The following SNX29 variants were observed in gnomAD, a reference collection of about 807,000 sequenced individuals.
The protein encoded by SNX29 is sorting nexin 29.
SNX29 carries 78 observed loss-of-function variants against 102.1 expected under a neutral mutation model. The observed-to-expected ratio is 0.76, with a 90% CI of 0.64 to 0.92. The LOEUF is 0.92. SNX29 is among the 40% of genes least tolerant of loss of function. The pLI is 0.00. For synonymous variants in SNX29, 580 were observed against 414.5 expected, an observed-to-expected ratio of 1.40 and a Z score of -4.85; for missense variants, 1,280 against 1,061.7, an observed-to-expected ratio of 1.21 and a Z score of -2.86.
chr16:12,559,408 C>T (rs114587687), intron 20 of SNX29, among the ~76,000 whole-genome samples: 1,853 of 151,266 alleles, frequency 0.012, 34 homozygotes, highest in African/African-American at 0.042. Context: ...CTGAAGGGAC[C>T]ATCTAGTTGC....
rs7201060 is a variant in SNX29 at position 11,987,501 on chromosome 16, A to T, written c.7+10688A>T. Among the ~76,000 whole-genome samples, 1,327 of 150,812 alleles carry T rather than the reference A, an allele frequency of 8.8e-3. 17 individuals carry two copies. The highest frequency in any genetic ancestry group is 0.03 in the African/African-American group (1,251 of 41,064). On this transcript the variant is annotated intron_variant, in intron 1 of 20. Transcript: ENST00000566228. ...AACCTCCACCTCCTGGGTTCGAGTA[A>T]TTCTCCTGCCTTAGACTCCCGAGTA...
At chr16:12,537,356 G>A (rs1167731406) in intron 20 of SNX29, among the ~76,000 whole-genome samples, 5 of 152,178 alleles carry the variant, frequency 3.3e-5, no homozygotes, top group East Asian at 1.9e-4. Context: ...GGAGCTCATT[G>A]GCAACTTGGT....
intron 15 of SNX29, among the ~76,000 whole-genome samples, chr16:12,283,913 G>A (rs1596753299): frequency 6.6e-6 from 1 of 152,198 alleles, no homozygotes; most frequent in Non-Finnish European, 1.5e-5. Context: ...GGGACTGTTA[G>A]TGGTGATGCT....
At chr16:12,115,812 G>A (rs1314149648) in intron 11 of SNX29, among the ~76,000 whole-genome samples, 2 of 152,104 alleles carry the variant, frequency 1.3e-5, no homozygotes, top group East Asian at 1.9e-4. Flanking sequence ...TGTGTACCTC[G>A]CTTGCAGCTC....
At chr16:12,346,809 G>A (rs895831373) in intron 15 of SNX29, among the ~76,000 whole-genome samples, 7 of 152,112 alleles carry the variant, frequency 4.6e-5, no homozygotes, top group African/African-American at 1.2e-4. Context: ...GCTGTTGTAG[G>A]GGCCAGGAGA....
At chr16:12,236,916 G>T (rs2077951897) in intron 14 of SNX29, among the ~76,000 whole-genome samples, 1 of 152,204 alleles carries the variant, frequency 6.6e-6, no homozygotes, top group African/African-American at 2.4e-5. Context: ...GCAAGTCGGT[G>T]CTGCATGAAT....
chr16:12,073,005 G>T (rs867944201), intron 10 of SNX29, among the ~76,000 whole-genome samples: 1 of 151,664 alleles, frequency 6.6e-6, no homozygotes, highest in African/African-American at 2.4e-5. Context: ...CTGTGGGATC[G>T]GTGGTGATAT....
intron 1 of SNX29, among the ~76,000 whole-genome samples, chr16:11,991,480 A>G (rs554660014): frequency 1.3e-5 from 2 of 152,222 alleles, no homozygotes; most frequent in African/African-American, 4.8e-5. Context: ...GGTTTCTATT[A>G]CATTTATTCA....
chr16:12,556,095 C>T (rs561033963), intron 20 of SNX29, among the ~76,000 whole-genome samples: 66 of 152,286 alleles, frequency 4.3e-4, no homozygotes, highest in African/African-American at 1.3e-3. Flanking sequence ...TTTCTGCTTT[C>T]ATTGAGAAGT....
chr16:12,537,599 C>G (rs572388737), intron 20 of SNX29, among the ~76,000 whole-genome samples: 2 of 152,298 alleles, frequency 1.3e-5, no homozygotes, highest in African/African-American at 2.4e-5. Context: ...TGTTCAAACT[C>G]TCACTTCAGT....
intron 18 of SNX29, among the ~76,000 whole-genome samples, chr16:12,462,861 T>A (rs1193453641): frequency 6.6e-6 from 1 of 152,150 alleles, no homozygotes; most frequent in Non-Finnish European, 1.5e-5. Context: ...TAAGGGGGGA[T>A]CATGTGCATG....
At chr16:12,482,943 A>G (rs1045062713) in intron 19 of SNX29, among the ~76,000 whole-genome samples, 1 of 152,130 alleles carries the variant, frequency 6.6e-6, no homozygotes, top group Admixed American at 6.5e-5. Flanking sequence ...GTGTGTAATT[A>G]TATATTCACA....
intron 13 of SNX29, among the ~76,000 whole-genome samples, chr16:12,133,528 T>A (rs906092710): frequency 6.6e-6 from 1 of 151,992 alleles, no homozygotes; most frequent in Admixed American, 6.6e-5. Context: ...TGGGCTCAAG[T>A]GATCTACCCA....
chr16:12,062,377 A>AAAATAAATAAATAAAT (rs34207508), intron 9 of SNX29, among the ~76,000 whole-genome samples: 61 of 137,704 alleles, frequency 4.4e-4, no homozygotes, highest in East Asian at 6.5e-4. Context: ...ACTCTGTCTC[A>AAAATAAATAAATAAAT]AAATAAATAA....
At chr16:12,077,278 T>TAA (rs61448876) in intron 10 of SNX29, among the ~76,000 whole-genome samples, 1 of 145,612 alleles carries the variant, frequency 6.9e-6, no homozygotes. Context: ...GAACCTGTCT[T>TAA]AAAAAAAAAA....
intron 19 of SNX29, among the ~76,000 whole-genome samples, chr16:12,497,584 G>C (rs901478707): frequency 6.6e-5 from 10 of 152,194 alleles, no homozygotes; most frequent in African/African-American, 2.4e-4. Flanking sequence ...AGTATCATCA[G>C]ACATCTCTAT....
Position 12,407,328 on chromosome 16 carries a change from G to GTT in SNX29, c.2037+3810_2037+3811dup, listed in dbSNP as rs34752475. Among the ~76,000 whole-genome samples the GTT allele has an allele frequency of 4.4e-3, 639 of 145,470 alleles. 16 individuals carry two copies. The East Asian group carries it at 0.055, about 13-fold the overall frequency. ...TGACAAGCTTAAGGTTAATTAGATT[G>GTT]TTTTTTTTTTTTCTGTATTCATTTT... is the stretch of plus-strand genomic sequence containing the variant. On this transcript the variant is annotated intron_variant, in intron 18 of 20. Coordinates refer to ENST00000566228, the MANE Select transcript of SNX29 (RefSeq NM_032167.5).
At chr16:12,320,400 C>T (rs368322157) in intron 15 of SNX29, among the ~76,000 whole-genome samples, 7 of 151,964 alleles carry the variant, frequency 4.6e-5, no homozygotes, top group Admixed American at 1.3e-4. Context: ...GGGGCTGGTG[C>T]GTAGCAGGTA....
intron 14 of SNX29, among the ~76,000 whole-genome samples, chr16:12,211,626 G>A (rs1171409687): frequency 6.6e-6 from 1 of 152,172 alleles, no homozygotes; most frequent in Non-Finnish European, 1.5e-5. Flanking sequence ...ATTGACCCAT[G>A]TTATGGTGGC....
Sources: gnomAD v4.1 joint callset for allele counts (sites outside exome capture counted in the v4.1 genomes callset) on GRCh38, gnomAD v4.1.1 for gene constraint, MANE v1.5 for transcripts, NCBI Gene and HGNC (gene_info 2026-07-23, HGNC 2026-07-21) for gene names.